Variants in HAUS1 observed in about 807,000 individuals in gnomAD.
HAUS1 encodes the protein HAUS augmin-like complex subunit 1.
A neutral mutation model predicts 38.6 loss-of-function variants in HAUS1; 25 were observed. That is an observed-to-expected ratio of 0.65 (90% CI 0.47 to 0.91). HAUS1 has a LOEUF of 0.91. Among genes scored for constraint, HAUS1 ranks in the 40% least tolerant of loss-of-function variants. The pLI is 0.00. For missense variants in HAUS1, 325 were observed against 328.4 expected (o/e 0.99, Z 0.08); for synonymous variants, 109 against 112.9 (o/e 0.97, Z 0.22).
chr18:46,116,712 A>G (rs769724725), intron 2 of HAUS1, among the ~76,000 whole-genome samples: 1 of 151,882 alleles, frequency 6.6e-6, no homozygotes, highest in Non-Finnish European at 1.5e-5. Flanking sequence ...GAGAAATTCA[A>G]ATCAAAACCA....
chr18:46,122,731 A>G (rs899235411), intron 5 of HAUS1, 141 bp downstream of exon 5: 2 of 872,294 alleles, frequency 2.3e-6, no homozygotes, highest in Non-Finnish European at 3.5e-6. Flanking sequence ...TTACATAGCT[A>G]TTACAGTAAG....
intron 3 of HAUS1, 156 bp downstream of exon 3, chr18:46,118,472 T>C: frequency 1.6e-6 from 1 of 634,402 alleles, no homozygotes; most frequent in Admixed American, 3.0e-5. Flanking sequence ...ATAATTAATT[T>C]GGATAAATAT....
At chr18:46,108,542 C>A (rs1037097187) in intron 2 of HAUS1, among the ~76,000 whole-genome samples, 2 of 152,028 alleles carry the variant, frequency 1.3e-5, no homozygotes, top group Admixed American at 1.3e-4. Context: ...ATTTGAGATT[C>A]TTCTTCTTTC....
chr18:46,120,938 A>T (rs146762682), intron 4 of HAUS1, among the ~76,000 whole-genome samples: 1 of 152,260 alleles, frequency 6.6e-6, no homozygotes, highest in African/African-American at 2.4e-5. Flanking sequence ...TTCAAAATGT[A>T]TGTGATTTTT....
At chr18:46,109,155 T>C (rs1049611547) in intron 2 of HAUS1, among the ~76,000 whole-genome samples, 2 of 151,082 alleles carry the variant, frequency 1.3e-5, no homozygotes, top group Admixed American at 6.6e-5. Flanking sequence ...CTTACAATCA[T>C]GGTTGAAGGT....
intron 3 of HAUS1, among the ~76,000 whole-genome samples, chr18:46,119,169 G>A (rs915822250): frequency 5.9e-5 from 9 of 151,684 alleles, no homozygotes; most frequent in Non-Finnish European, 1.2e-4. Flanking sequence ...GCGCCCGGTA[G>A]AACTACGAAT....
intron 3 of HAUS1, among the ~76,000 whole-genome samples, chr18:46,118,736 A>C (rs1911858641): frequency 6.6e-6 from 1 of 152,206 alleles, no homozygotes; most frequent in Admixed American, 6.5e-5. Flanking sequence ...CAACCTTTAG[A>C]GGAATCAGGA....
intron 2 of HAUS1, among the ~76,000 whole-genome samples, chr18:46,117,515 G>A (rs946792398): frequency 6.6e-6 from 1 of 152,102 alleles, no homozygotes; most frequent in African/African-American, 2.4e-5. Context: ...AGGGTTTCAT[G>A]GGTTGGTAGA....
chr18:46,128,097 C>A lies in HAUS1; in HGVS notation c.809C>A (p.Thr270Lys). The A allele has an allele frequency of 6.3e-7, 1 of 1,588,452 alleles. No individual in the cohort carries two copies. Among genetic ancestry groups the A allele is most frequent in the Non-Finnish European group, 8.5e-7 (1 of 1,170,362 alleles). Residue 270 changes from threonine to lysine, a missense_variant, in exon 9 of 9, where the codon ACA becomes AAA. Transcript: ENST00000282058. ...TAGGATAGCATTGAAGCTGAACTTACAAGAAGAGTAGACATGATGGAACTG... is the reference window on the plus strand; with the variant it reads ...TAGGATAGCATTGAAGCTGAACTTAAAAGAAGAGTAGACATGATGGAACTG... ...RELDSIEAELTRRVDMMEL is the reference protein window; with the variant it reads ...RELDSIEAELKRRVDMMEL
intron 2 of HAUS1, among the ~76,000 whole-genome samples, chr18:46,113,085 T>TATAATATATATATTCCATATATATATTCC (rs1911716364): frequency 7.5e-6 from 1 of 133,894 alleles, no homozygotes; most frequent in Admixed American, 8.6e-5. Flanking sequence ...CATATATATA[T>TATAATATATATATTCCATATATATATTCC]ATATATTTTT....
At position 46,104,432 on chromosome 18, in the gene HAUS1, A is replaced by G. The variant is rs1721811643; in HGVS notation, c.21A>G (p.Arg7=). 6.8e-7 allele frequency: 1 copy of G among 1,466,998 alleles called. No individual in the cohort carries two copies. Among genetic ancestry groups the G allele is most frequent in the Non-Finnish European group, 9.1e-7 (1 of 1,099,736 alleles). The allele number at this position is 1,466,998 out of a possible 1,614,324, so 90.9% of individuals were successfully genotyped here. A position where few individuals can be genotyped will look rare whatever the true frequency, so the allele number is the denominator to read the frequency against. The change falls in exon 1 of 9, where the codon AGA becomes AGG. Residue 7 remains arginine (R), a synonymous_variant. Coordinates refer to ENST00000282058, the MANE Select transcript of HAUS1 (RefSeq NM_138443.4). ...CAGCTATGGAGCCGCAGGAGGAGAGAGAAACGCAGGTGATGGGGCGGGAAT... is the reference window on the plus strand; with the variant it reads ...CAGCTATGGAGCCGCAGGAGGAGAGGGAAACGCAGGTGATGGGGCGGGAAT... The part of the protein sequence containing the change: MEPQEE[R]ETQVAAWLKK...
rs185328760 is a variant in HAUS1, at chr18:46,125,825, T to A, written c.786+34T>A. ...TTCCTGTAATTTTTTCAGATTTTTT[T>A]AAAAAGAAAATAAATGCTAATATAG... On this transcript the variant is annotated intron_variant, in intron 8 of 8. Transcript: ENST00000282058. 2,784 of 1,411,466 alleles carry A rather than the reference T, an allele frequency of 2.0e-3. 6 individuals carry two copies. Among genetic ancestry groups the A allele is most frequent in the Non-Finnish European group, 2.5e-3 (2,570 of 1,009,832 alleles). 87.4% of individuals were successfully genotyped at this position (1,411,466 alleles called of 1,614,324 possible).
Position 46,119,994 on chromosome 18 carries a change from A to G in HAUS1, c.410A>G (p.Lys137Arg), listed in dbSNP as rs762601338. The change falls in exon 4 of 9, where the codon AAG becomes AGG. Residue 137 changes from lysine to arginine, a missense_variant. Physicochemically the swap from Lys to Arg is conservative, Grantham distance 26 (BLOSUM62 2). Transcript: ENST00000282058. ...FRTKSKSEEI[K>R]IELEKLEKNL... ...ACCAAATCCAAAAGTGAAGAAATCA[A>G]GATTGAACTGGAAAAACTTGAAAAA... 1.9e-6 allele frequency: 3 copies of G among 1,609,846 alleles called. No homozygotes were observed. In the African/African-American group the frequency reaches 4.0e-5, roughly 22 times the overall value.
At chr18:46,119,204 A>G (rs890084415) in intron 3 of HAUS1, among the ~76,000 whole-genome samples, 1 of 152,108 alleles carries the variant, frequency 6.6e-6, no homozygotes, top group Admixed American at 6.6e-5. Flanking sequence ...TCATAATCAG[A>G]GAACAACACA....
chr18:46,111,672 G>T (rs1911637040), intron 2 of HAUS1, among the ~76,000 whole-genome samples: 1 of 151,892 alleles, frequency 6.6e-6, no homozygotes, highest in Non-Finnish European at 1.5e-5. Flanking sequence ...TGGCCAGGCT[G>T]GTCTTGAACC....
intron 5 of HAUS1, among the ~76,000 whole-genome samples, chr18:46,122,934 T>C (rs945123410): frequency 1.4e-4 from 21 of 152,172 alleles, no homozygotes; most frequent in African/African-American, 4.6e-4. Context: ...TTTGATGGGC[T>C]GGGCACGGTG....
rs538206599 is a variant in HAUS1, at chr18:46,111,861, G to T, written c.206-6320G>T. 5.3e-5 allele frequency among the ~76,000 whole-genome samples: 8 copies of T among 150,198 alleles called. No individual in the cohort carries two copies. The South Asian group carries it at 1.7e-3, about 32-fold the overall frequency. ...TAATGGTGTTCCACATTTCTCTGTG[G>T]CTCTCTTCATTTTCTTTTCTTTTCT... On this transcript the variant is annotated intron_variant, in intron 2 of 8. Coordinates refer to ENST00000282058, the MANE Select transcript of HAUS1 (RefSeq NM_138443.4).
chr18:46,121,145 G>A (rs1443204269), intron 4 of HAUS1, among the ~76,000 whole-genome samples: 25 of 151,988 alleles, frequency 1.6e-4, no homozygotes, highest in Non-Finnish European at 1.3e-4. Context: ...TATGTGCAAG[G>A]CACTGTCATG....
At chr18:46,107,021 A>C (rs59082804) in intron 2 of HAUS1, among the ~76,000 whole-genome samples, 24,764 of 149,048 alleles carry the variant, frequency 0.17, 2,810 homozygotes, top group East Asian at 0.4. Context: ...TCAACAACAA[A>C]AAAAAATTAA....
Sources: gnomAD v4.1 joint callset for allele counts (sites outside exome capture counted in the v4.1 genomes callset) on GRCh38, gnomAD v4.1.1 for gene constraint, MANE v1.5 for transcripts, NCBI Gene and HGNC (gene_info 2026-07-23, HGNC 2026-07-21) for gene names.